ANHX: variants seen among roughly 807,000 people sequenced by gnomAD.
The protein encoded by ANHX is anomalous homeobox protein.
ANHX carries 20 observed loss-of-function variants against 38.9 expected under a neutral mutation model. That is an observed-to-expected ratio of 0.51 (90% CI 0.36 to 0.75). ANHX has a LOEUF of 0.75. Among genes scored for constraint, ANHX ranks in the 30% least tolerant of loss-of-function variants. The pLI is 0.00. For missense variants in ANHX, 475 were observed against 493.1 expected, an observed-to-expected ratio of 0.96 and a Z score of 0.35; for synonymous variants, 185 against 203.1, an observed-to-expected ratio of 0.91 and a Z score of 0.76.
intron 2 of ANHX, among the ~76,000 whole-genome samples, chr12:133,233,632 T>C (rs1397970072): frequency 1.3e-5 from 2 of 152,160 alleles, no homozygotes; most frequent in Non-Finnish European, 1.5e-5. Flanking sequence ...ACACTATAAA[T>C]AGCTTCAGAT....
chr12:133,229,441 A>G (rs1957236377), intron 3 of ANHX, among the ~76,000 whole-genome samples: 2 of 151,986 alleles, frequency 1.3e-5, no homozygotes, highest in African/African-American at 4.8e-5. Context: ...GCTCCTGTGC[A>G]TCTCAGTGAA....
At position 133,218,786 on chromosome 12, in the gene ANHX, A is replaced by T; in HGVS notation, c.*99T>A. 1.1e-6 allele frequency: 1 copy of T among 888,990 alleles called. No individual in the cohort carries two copies. The highest frequency in any genetic ancestry group is 1.7e-5 in the African/African-American group (1 of 58,254). The allele number at this position is 888,990 out of a possible 1,614,324, so 55.1% of individuals were successfully genotyped here. A position where few individuals can be genotyped will look rare whatever the true frequency, so the allele number is the denominator to read the frequency against. On this transcript the variant is annotated 3_prime_UTR_variant, in exon 10 of 10. Transcript: ENST00000545940. ...CCCCAGGGGAACTCTGGGGACCTTC[A>T]TTTTGTATTCAGGATAAAGCTCTGT...
chr12:133,224,677 A>AC (rs1263705536), intron 7 of ANHX, among the ~76,000 whole-genome samples: 1 of 139,984 alleles, frequency 7.1e-6, no homozygotes, highest in Non-Finnish European at 1.5e-5. Flanking sequence ...AAAAAAAAAA[A>AC]AAAAAATGCT....
intron 7 of ANHX, among the ~76,000 whole-genome samples, chr12:133,224,777 A>G (rs1242441754): frequency 2.6e-5 from 4 of 151,276 alleles, no homozygotes; most frequent in South Asian, 2.1e-4. Context: ...CATCCTGGCT[A>G]ACAGGGTGAA....
chr12:133,228,760 C>CCAT (rs1191036336), intron 3 of ANHX, among the ~76,000 whole-genome samples: 1 of 152,200 alleles, frequency 6.6e-6, no homozygotes, highest in African/African-American at 2.4e-5. Flanking sequence ...TCCCTGCTTG[C>CCAT]CATCACCAGC....
chr12:133,233,539 C>T (rs560773520), intron 2 of ANHX, among the ~76,000 whole-genome samples: 69 of 152,286 alleles, frequency 4.5e-4, no homozygotes, highest in African/African-American at 1.3e-3. Flanking sequence ...CCACTCAGCA[C>T]GACCTGGGGC....
chr12:133,219,236 T>C, intron 9 of ANHX, 47 bp downstream of exon 9: 1 of 1,475,492 alleles, frequency 6.8e-7, no homozygotes, highest in Non-Finnish European at 9.1e-7. Context: ...GAGCTGCAGA[T>C]CCAGGAGTAA....
rs972760293 is a variant in ANHX at position 133,221,614 on chromosome 12, C to T, written c.1133-262G>A. Among the ~76,000 whole-genome samples the T allele has an allele frequency of 4.6e-5, 7 of 152,162 alleles. No homozygotes were observed. Among genetic ancestry groups the T allele is most frequent in the African/African-American group, 1.4e-4 (6 of 41,454 alleles). ...TGCTGACTTTAAATGCTGCTGTCAT[C>T]GCAGACCTCATGTGCCCTCGGTGCC... On this transcript the variant is annotated intron_variant, in intron 7 of 9. Transcript: ENST00000545940. The surrounding 1 kb of genome is among the most constrained non-coding windows in gnomAD (Gnocchi z 4.1).
At position 133,231,635 on chromosome 12, in the gene ANHX, C is replaced by A. The variant is rs947434320; in HGVS notation, c.259G>T (p.Val87Leu). The A allele has an allele frequency of 6.5e-7, 1 of 1,536,022 alleles. No homozygotes were observed. The highest frequency in any genetic ancestry group is 8.7e-7 in the Non-Finnish European group (1 of 1,146,918). The change falls in exon 3 of 10, where the codon GTG (valine) becomes TTG (leucine). Residue 87 changes from valine (V) to leucine (L), a missense_variant. Transcript: ENST00000545940. The stretch of plus-strand genomic sequence containing the variant: ...ACTAACTCCTGGCTGCCTCCCGGCA[C>A]CTGGCACCCCTGCCAAGAAGAGTGT... ...AACRLLEGCQ[V>L]PGGSQELVQL...
At chr12:133,226,521 G>T (rs1430320655) in intron 5 of ANHX, 83 bp from the exon 6 acceptor site, 6 of 1,442,696 alleles carry the variant, frequency 4.2e-6, no homozygotes, top group Middle Eastern at 2.0e-4. Flanking sequence ...CAGCCCTGCT[G>T]GCTGGAAAAG....
chr12:133,230,157 G>C (rs565197278), intron 3 of ANHX, among the ~76,000 whole-genome samples: 1 of 152,288 alleles, frequency 6.6e-6, no homozygotes, highest in East Asian at 1.9e-4. Flanking sequence ...ACATCCCAAT[G>C]TCAGTTCCAT....
chr12:133,219,682 C>G (rs1309008675), intron 8 of ANHX, among the ~76,000 whole-genome samples: 1 of 152,170 alleles, frequency 6.6e-6, no homozygotes, highest in East Asian at 1.9e-4. Context: ...ATGCACGGCA[C>G]AGTCACTCAG....
chr12:133,230,515 A>G (rs1351222238), intron 3 of ANHX, among the ~76,000 whole-genome samples: 1 of 152,222 alleles, frequency 6.6e-6, no homozygotes. Flanking sequence ...AGCAAGATCT[A>G]CAGCCCTTTC....
chr12:133,220,077 G>T (rs967903444), intron 8 of ANHX, among the ~76,000 whole-genome samples: 1 of 152,110 alleles, frequency 6.6e-6, no homozygotes, highest in African/African-American at 2.4e-5. Flanking sequence ...CAGATCCATG[G>T]TCCTGGGTGG....
rs532283504 is a variant in ANHX, at chr12:133,225,446, G to A, written c.1132+90C>T. Among the ~76,000 whole-genome samples, 20 of 152,346 alleles carry A rather than the reference G, an allele frequency of 1.3e-4. No individual in the cohort carries two copies. In the East Asian group the frequency reaches 2.9e-3, roughly 22 times the overall value. ...AAATACCATGGGTTCAAGCCGTGTG[G>A]CCCTACCCACACTTCTATCCCCTCA... is the stretch of plus-strand genomic sequence containing the variant. On this transcript the variant is annotated intron_variant, in intron 7 of 9. Transcript: ENST00000545940.
intron 3 of ANHX, among the ~76,000 whole-genome samples, chr12:133,229,693 G>A (rs1030640505): frequency 5.3e-5 from 8 of 152,054 alleles, no homozygotes; most frequent in Admixed American, 2.0e-4. Context: ...CATCTTCTGT[G>A]ACTCAGATGC....
At position 133,226,314 on chromosome 12, in the gene ANHX, G is replaced by T. The variant is rs1016973066; in HGVS notation, c.839+4C>A. On this transcript the variant is annotated splice_donor_region_variant and intron_variant, in intron 6 of 9. Coordinates refer to ENST00000545940, the MANE Select transcript of ANHX (RefSeq NM_001372060.1). ...TGATTCCATGGCCATGGAGATGACA[G>T]TACCTGACATCCAGTGGCTTTGAGA... 1 of 1,536,240 alleles carries T rather than the reference G, an allele frequency of 6.5e-7. No individual in the cohort carries two copies. Among genetic ancestry groups the T allele is most frequent in the Non-Finnish European group, 8.7e-7 (1 of 1,146,908 alleles).
At position 133,221,863 on chromosome 12, in the gene ANHX, T is replaced by TA. The variant is rs747835071; in HGVS notation, c.1133-512dup. Reference sequence around the variant, plus strand: ...CGTATCTCAGAACATCTCTCACTCTTAGACAAGCTACTGTGGTTTTGGTCA... The same window carrying TA: ...CGTATCTCAGAACATCTCTCACTCTTAAGACAAGCTACTGTGGTTTTGGTCA... On this transcript the variant is annotated intron_variant, in intron 7 of 9. Transcript: ENST00000545940. This position sits in a 1 kb window ranked among gnomAD's most constrained non-coding sequence, Gnocchi z 4.1. Among the ~76,000 whole-genome samples the TA allele has an allele frequency of 1.3e-5, 2 of 152,226 alleles. No individual in the cohort carries two copies. The highest frequency in any genetic ancestry group is 2.9e-5 in the Non-Finnish European group (2 of 68,038).
intron 2 of ANHX, among the ~76,000 whole-genome samples, chr12:133,232,515 T>G (rs1405347618): frequency 6.6e-6 from 1 of 152,106 alleles, no homozygotes. Flanking sequence ...GCACGCGGCC[T>G]TCAGGGAACC....
Sources: allele counts gnomAD v4.1 joint callset (sites outside exome capture counted in the v4.1 genomes callset), GRCh38; gene constraint gnomAD v4.1.1; non-coding constraint Gnocchi (gnomAD v3.1); transcripts MANE v1.5; gene names NCBI Gene and HGNC (gene_info 2026-07-23, HGNC 2026-07-21).